Variants in MAN2A1 observed in about 807,000 individuals in gnomAD.
The protein encoded by MAN2A1 is mannosidase alpha class 2A member 1.
A neutral mutation model predicts 142.6 loss-of-function variants in MAN2A1; 76 were observed. The ratio of observed to expected loss-of-function variants is 0.53; its 90% confidence interval spans 0.44 to 0.65. MAN2A1 has a LOEUF of 0.65. Ranked by LOEUF, MAN2A1 falls within the 30% of genes least tolerant of loss-of-function variation. MAN2A1 has a pLI of 0.00. For missense variants in MAN2A1, 1,311 were observed against 1,365.1 expected, an observed-to-expected ratio of 0.96 and a Z score of 0.62; for synonymous variants, 559 against 473.2, an observed-to-expected ratio of 1.18 and a Z score of -2.35.
rs1754290840 is a variant in MAN2A1 at position 109,810,628 on chromosome 5, A to G, written c.1944-6645A>G. Among the ~76,000 whole-genome samples the G allele has an allele frequency of 1.3e-5, 2 of 152,272 alleles. 1 individual carries two copies. The highest frequency in any genetic ancestry group is 4.1e-4 in the South Asian group (2 of 4,828). ...TGCTCTTTTGATCTCTTTGTTCCCC[A>G]GTGATTTCTTCCAGACTTTCCACTA... On this transcript the variant is annotated intron_variant, in intron 12 of 21. Transcript: ENST00000261483.
intron 5 of MAN2A1, among the ~76,000 whole-genome samples, chr5:109,763,177 C>G (rs1256963225): frequency 6.6e-6 from 1 of 152,172 alleles, no homozygotes; most frequent in African/African-American, 2.4e-5. Flanking sequence ...TGGCACCTAG[C>G]ACAAGTGACT....
At chr5:109,774,148 T>C (rs1009668816) in intron 7 of MAN2A1, among the ~76,000 whole-genome samples, 13 of 152,218 alleles carry the variant, frequency 8.5e-5, no homozygotes, top group African/African-American at 3.1e-4. Context: ...CTAATCCTTA[T>C]CTGATGGTCA....
chr5:109,836,529 G>C (rs953376412), intron 16 of MAN2A1, among the ~76,000 whole-genome samples: 2 of 152,094 alleles, frequency 1.3e-5, no homozygotes, highest in Admixed American at 1.3e-4. Context: ...TCTCTCTCCT[G>C]ATCCACCCAG....
At chr5:109,804,363 T>G in intron 12 of MAN2A1, 1 of 782,874 alleles carries the variant, frequency 1.3e-6, no homozygotes, top group Non-Finnish European at 1.6e-6. Flanking sequence ...AATTTTTATT[T>G]TTTTTAGGCA....
At chr5:109,816,140 A>T (rs189191452) in intron 12 of MAN2A1, among the ~76,000 whole-genome samples, 21 of 152,378 alleles carry the variant, frequency 1.4e-4, no homozygotes, top group Middle Eastern at 3.4e-3. Flanking sequence ...AAGAAAATCA[A>T]GGCTGTTGGG....
At position 109,690,405 on chromosome 5, in the gene MAN2A1, T is replaced by A; in HGVS notation, c.-13T>A. 3.1e-6 allele frequency: 5 copies of A among 1,613,896 alleles called. No individual in the cohort carries two copies. The highest frequency in any genetic ancestry group is 4.2e-6 in the Non-Finnish European group (5 of 1,179,826). ...CTGAGGAGAGTGTCCTGGCCCCGAG[T>A]CTATCGAGGAAAATGAAGTTAAGCC... On this transcript the variant is annotated 5_prime_UTR_variant, in exon 1 of 22. Transcript: ENST00000261483.
intron 4 of MAN2A1, among the ~76,000 whole-genome samples, chr5:109,741,815 C>G (rs1004268771): frequency 8.5e-5 from 13 of 152,142 alleles, no homozygotes; most frequent in African/African-American, 2.4e-4. Context: ...TCTATATTTT[C>G]TGTTTTTTTG....
At chr5:109,702,750 A>G (rs548142815) in intron 1 of MAN2A1, among the ~76,000 whole-genome samples, 1 of 152,294 alleles carries the variant, frequency 6.6e-6, no homozygotes, top group South Asian at 2.1e-4. Flanking sequence ...TTGATAACCA[A>G]TGGTATGATA....
chr5:109,864,338 A>G (rs1359308208), intron 20 of MAN2A1: 1 of 152,202 alleles, frequency 6.6e-6, no homozygotes, highest in Non-Finnish European at 1.5e-5. Flanking sequence ...ACTTAAATGG[A>G]TATGAGAAAT....
In MAN2A1 at chr5:109,788,958, G is replaced by A. The variant is rs1465764892; in HGVS notation, c.1785G>A (p.Leu595=). 1 of 1,588,394 alleles carries A rather than the reference G, an allele frequency of 6.3e-7. No homozygotes were observed. The highest frequency in any genetic ancestry group is 1.7e-5 in the Admixed American group (1 of 59,414). The change falls in exon 11 of 22, where the codon TTG becomes TTA. Residue 595 remains leucine (L), a synonymous_variant. Transcript: ENST00000261483. ...GTRLFHSLMV[L]EKIIGNSAFL... is the part of the protein sequence containing the mutation. Reference sequence around the variant, plus strand: ...GACTTTTTCATTCGTTAATGGTTTTGGAGAAGATAATTGGAAATTCTGCAT... The same window carrying A: ...GACTTTTTCATTCGTTAATGGTTTTAGAGAAGATAATTGGAAATTCTGCAT...
intron 20 of MAN2A1, among the ~76,000 whole-genome samples, chr5:109,857,203 A>G (rs560879617): frequency 7.9e-5 from 12 of 152,348 alleles, no homozygotes; most frequent in Non-Finnish European, 1.6e-4. Context: ...CATGAGAGCT[A>G]TGCTTGTCCT....
At chr5:109,705,120 T>G (rs973166711) in intron 1 of MAN2A1, among the ~76,000 whole-genome samples, 2 of 151,978 alleles carry the variant, frequency 1.3e-5, no homozygotes, top group Non-Finnish European at 2.9e-5. Flanking sequence ...AGCAAAAAAC[T>G]CAATGCCAAT....
At chr5:109,765,084 T>C (rs1387704761) in intron 5 of MAN2A1, among the ~76,000 whole-genome samples, 1 of 152,166 alleles carries the variant, frequency 6.6e-6, no homozygotes, top group African/African-American at 2.4e-5. Flanking sequence ...TTAACAGTGA[T>C]ACAGTAGGAC....
chr5:109,700,124 C>T (rs1750934425), intron 1 of MAN2A1, among the ~76,000 whole-genome samples: 1 of 152,062 alleles, frequency 6.6e-6, no homozygotes, highest in Non-Finnish European at 1.5e-5. Flanking sequence ...CTGTCTATTT[C>T]TAATTCCTTT....
chr5:109,788,786 AAG>A (rs1753663147), intron 10 of MAN2A1, 146 bp from the exon 11 acceptor site: 1 of 553,560 alleles, frequency 1.8e-6, no homozygotes, highest in South Asian at 2.6e-5. Flanking sequence ...TAGGGGAAAA[AAG>A]AGCAGGTTTG....
At chr5:109,817,147 CAG>C (rs1471891122) in intron 12 of MAN2A1, 124 bp from the exon 13 acceptor site, 25 of 873,446 alleles carry the variant, frequency 2.9e-5, no homozygotes, top group Non-Finnish European at 4.1e-5. Context: ...GCCTGGGTGA[CAG>C]AGTGAGACGC....
chr5:109,817,699 T>C (rs973146367), intron 13 of MAN2A1, among the ~76,000 whole-genome samples: 7 of 152,226 alleles, frequency 4.6e-5, no homozygotes, highest in Admixed American at 6.5e-5. Flanking sequence ...TTGTATATCT[T>C]TGTAAGGATG....
rs943702844 is a variant in MAN2A1, at chr5:109,842,312, A to T, written c.2567-16A>T. Reference sequence around the variant, plus strand: ...AATTTCTTTCTATTAATCCATATATATTTTTTTAAATTTAGGAATAGAAGG... The same window carrying T: ...AATTTCTTTCTATTAATCCATATATTTTTTTTTAAATTTAGGAATAGAAGG... On this transcript the variant is annotated splice_polypyrimidine_tract_variant and intron_variant, in intron 16 of 21. Coordinates refer to ENST00000261483, the MANE Select transcript of MAN2A1 (RefSeq NM_002372.4). The T allele has an allele frequency of 7.4e-6, 11 of 1,476,554 alleles. No homozygotes were observed. Among genetic ancestry groups the T allele is most frequent in the African/African-American group, 5.7e-5 (4 of 69,872 alleles). 91.5% of individuals were successfully genotyped at this position (1,476,554 alleles called of 1,614,324 possible).
At chr5:109,723,548 G>T (rs1420295210) in intron 3 of MAN2A1, among the ~76,000 whole-genome samples, 1 of 152,014 alleles carries the variant, frequency 6.6e-6, no homozygotes, top group African/African-American at 2.4e-5. Flanking sequence ...TTTTGCAGTG[G>T]TCTCATTTTC....
Sources: allele counts gnomAD v4.1 joint callset (sites outside exome capture counted in the v4.1 genomes callset), GRCh38; gene constraint gnomAD v4.1.1; transcripts MANE v1.5; gene names NCBI Gene and HGNC (gene_info 2026-07-23, HGNC 2026-07-21).